Variants in POLQ observed in about 807,000 individuals in gnomAD.
The protein encoded by POLQ is epididymis secretory sperm binding protein.
POLQ carries 233 observed loss-of-function variants against 259.2 expected under a neutral mutation model. That is an observed-to-expected ratio of 0.90 (90% CI 0.81 to 1.00). The LOEUF is 1.00. POLQ is among the 50% of genes least tolerant of loss of function. The pLI, the probability that POLQ is intolerant of heterozygous loss-of-function variation, is 0.00. For synonymous variants in POLQ, 1,025 were observed against 1,048.8 expected (o/e 0.98, Z 0.44); for missense variants, 2,871 against 3,051.6 (o/e 0.94, Z 1.39).
intron 24 of POLQ, among the ~76,000 whole-genome samples, chr3:121,466,769 T>C (rs1415853444): frequency 6.6e-6 from 1 of 151,922 alleles, no homozygotes; most frequent in African/African-American, 2.4e-5. Context: ...GAATTGTGTA[T>C]GCTGATAGTT....
intron 28 of POLQ, among the ~76,000 whole-genome samples, chr3:121,434,611 G>C (rs1318272476): frequency 1.3e-5 from 2 of 152,170 alleles, no homozygotes; most frequent in African/African-American, 4.8e-5. Flanking sequence ...GGTATTTCAA[G>C]GGGGACTGAT....
intron 26 of POLQ, among the ~76,000 whole-genome samples, chr3:121,444,777 C>T (rs2047619312): frequency 6.6e-6 from 1 of 152,100 alleles, no homozygotes; most frequent in South Asian, 2.1e-4. Flanking sequence ...AGGTATGTTT[C>T]TTGTAAACCC....
intron 7 of POLQ, among the ~76,000 whole-genome samples, chr3:121,526,113 C>G (rs909452412): frequency 6.6e-6 from 1 of 152,118 alleles, no homozygotes; most frequent in Admixed American, 6.5e-5. Flanking sequence ...ATTAGAGATG[C>G]TGTGTTTGGG....
intron 7 of POLQ, among the ~76,000 whole-genome samples, chr3:121,525,592 A>G (rs1260127052): frequency 6.6e-6 from 1 of 152,146 alleles, no homozygotes; most frequent in Non-Finnish European, 1.5e-5. Context: ...TCATTCTCTA[A>G]AAATGTTTAT....
At chr3:121,472,615 T>C (rs1229548260) in intron 21 of POLQ, among the ~76,000 whole-genome samples, 1 of 152,214 alleles carries the variant, frequency 6.6e-6, no homozygotes, top group Admixed American at 6.5e-5. Flanking sequence ...TTTTTCATAC[T>C]ATAGACTTTC....
At chr3:121,483,046 C>T (rs1254390997) in intron 18 of POLQ, among the ~76,000 whole-genome samples, 1 of 152,162 alleles carries the variant, frequency 6.6e-6, no homozygotes, top group African/African-American at 2.4e-5. Context: ...ATATTTAAGA[C>T]CTCCTGCTAT....
chr3:121,446,317 C>A (rs1435995886), intron 26 of POLQ, among the ~76,000 whole-genome samples: 1 of 151,986 alleles, frequency 6.6e-6, no homozygotes, highest in Non-Finnish European at 1.5e-5. Flanking sequence ...TATTAACTTT[C>A]TGAATATTTT....
At chr3:121,511,226 CAAAAAAAAAAA>C (rs34066876) in intron 10 of POLQ, among the ~76,000 whole-genome samples, 2 of 74,942 alleles carry the variant, frequency 2.7e-5, no homozygotes, top group African/African-American at 1.2e-4. Flanking sequence ...ACTCCGTCTC[CAAAAAAAAAAA>C]AAAAAAAAAA....
At chr3:121,438,541 A>G (rs945014344) in intron 27 of POLQ, among the ~76,000 whole-genome samples, 1 of 152,106 alleles carries the variant, frequency 6.6e-6, no homozygotes, top group African/African-American at 2.4e-5. Context: ...ATATACCCCT[A>G]TGTGACAACT....
intron 19 of POLQ, among the ~76,000 whole-genome samples, 172 bp downstream of exon 19, chr3:121,481,400 T>G (rs995719881): frequency 2.0e-5 from 3 of 152,224 alleles, no homozygotes; most frequent in African/African-American, 7.2e-5. Context: ...ATAGAGATTG[T>G]TTAGTTTACA....
chr3:121,532,638 A>C (rs1193267703), intron 6 of POLQ, among the ~76,000 whole-genome samples: 2 of 151,934 alleles, frequency 1.3e-5, no homozygotes, highest in African/African-American at 2.4e-5. Flanking sequence ...TGTTCAAGCA[A>C]TTCTCCTGCC....
intron 24 of POLQ, among the ~76,000 whole-genome samples, chr3:121,466,363 C>CAAA (rs751087085): frequency 4.8e-4 from 45 of 93,910 alleles, no homozygotes; most frequent in East Asian, 1.6e-3. Flanking sequence ...GACTCCGTCT[C>CAAA]AAAAAAAAAA....
chr3:121,485,316 CA>C, intron 16 of POLQ, 132 bp from the exon 17 acceptor site: 1 of 555,108 alleles, frequency 1.8e-6, no homozygotes, highest in Non-Finnish European at 3.1e-6. Context: ...TGCATTTGGA[CA>C]GTCATTTTAA....
At chr3:121,513,191 A>G (rs1213602325) in intron 9 of POLQ, among the ~76,000 whole-genome samples, 1 of 152,204 alleles carries the variant, frequency 6.6e-6, no homozygotes, top group Non-Finnish European at 1.5e-5. Flanking sequence ...AAGAGAAGGT[A>G]CAGATTATCC....
rs143921963 is a variant in POLQ at position 121,483,174 on chromosome 3, G to T, written c.5970+212C>A. ...TCTGAGGAAAGACATAAACTTTAGG[G>T]CTCCAAATTTGTGACATCTCTGTTT... On this transcript the variant is annotated intron_variant, in intron 18 of 29. Transcript: ENST00000264233. 8.1e-3 allele frequency among the ~76,000 whole-genome samples: 1,232 copies of T among 152,074 alleles called. 15 individuals carry two copies. The highest frequency in any genetic ancestry group is 0.028 in the African/African-American group (1,170 of 41,478).
chr3:121,544,236 C>T (rs1197093496), intron 2 of POLQ, among the ~76,000 whole-genome samples: 1 of 151,980 alleles, frequency 6.6e-6, no homozygotes, highest in Non-Finnish European at 1.5e-5. Context: ...ACCTGTAATT[C>T]CAGCTACTTG....
chr3:121,515,491 T>C (rs488891), intron 9 of POLQ, among the ~76,000 whole-genome samples: 119,459 of 151,458 alleles, frequency 0.79, 47,229 homozygotes, highest in East Asian at 0.89. Flanking sequence ...GATTGCAGTT[T>C]CAAACCAGCA....
rs1050507260 is a variant in POLQ, at chr3:121,436,403, A to T, written c.7390-128T>A. ...AAAGCTGGACTGAGATGCAACCCAGAACACCAACTATTAGGCTGCATCCTA... is the reference window on the plus strand; with the variant it reads ...AAAGCTGGACTGAGATGCAACCCAGTACACCAACTATTAGGCTGCATCCTA... On this transcript the variant is annotated intron_variant, in intron 27 of 29. Transcript: ENST00000264233. 3.2e-5 allele frequency: 24 copies of T among 756,026 alleles called. No individual in the cohort carries two copies. In the African/African-American group the frequency reaches 3.8e-4, roughly 12 times the overall value. The allele number at this position is 756,026 out of a possible 1,614,324, so 46.8% of individuals were successfully genotyped here. A position where few individuals can be genotyped will look rare whatever the true frequency, so the allele number is the denominator to read the frequency against.
intron 14 of POLQ, chr3:121,494,804 A>C (rs1576416806): frequency 1.3e-6 from 2 of 1,491,826 alleles, no homozygotes; most frequent in Admixed American, 1.7e-5. Context: ...ATAGGATGAG[A>C]CCCACCGTCA....
Sources: gnomAD v4.1 joint callset for allele counts (sites outside exome capture counted in the v4.1 genomes callset) on GRCh38, gnomAD v4.1.1 for gene constraint, MANE v1.5 for transcripts, NCBI Gene and HGNC (gene_info 2026-07-23, HGNC 2026-07-21) for gene names.